Variants in ANGEL1 observed in about 807,000 individuals in gnomAD.
ANGEL1 encodes angel homolog 1.
In ANGEL1, 62 loss-of-function variants were observed where a neutral mutation model predicts 76.4. The observed-to-expected ratio is 0.81, with a 90% CI of 0.66 to 1.00. The LOEUF is 1.00. Ranked by LOEUF, ANGEL1 falls within the 50% of genes least tolerant of loss-of-function variation. The pLI is 0.00. For missense variants in ANGEL1, 737 were observed against 836.7 expected, an observed-to-expected ratio of 0.88 and a Z score of 1.47; for synonymous variants, 340 against 331.7, an observed-to-expected ratio of 1.03 and a Z score of -0.27.
At chr14:76,805,702 T>C in intron 5 of ANGEL1, among the ~76,000 whole-genome samples, 1 of 152,186 alleles carries the variant, frequency 6.6e-6, no homozygotes, top group East Asian at 1.9e-4. Context: ...CATACAGTAG[T>C]GTATCATGTT....
Position 76,799,278 on chromosome 14 carries a change from CTTTTTTTTTTTTTTTTTTTT to C in ANGEL1, c.1618+4073_1618+4092del, listed in dbSNP as rs71122579. 9.6e-5 allele frequency among the ~76,000 whole-genome samples: 5 copies of C among 52,344 alleles called. No individual in the cohort carries two copies. In the Admixed American group the frequency reaches 1.1e-3, roughly 12 times the overall value. The allele number at this position is 52,344 out of a possible 152,430, so 34.3% of individuals were successfully genotyped here. A position where few individuals can be genotyped will look rare whatever the true frequency, so the allele number is the denominator to read the frequency against. ...CTCGTTGTACTCCATTCATGGCCTC[CTTTTTTTTTTTTTTTTTTTT>C]TTTTTTTTTTTTTGAGACACAGTCT... On this transcript the variant is annotated intron_variant, in intron 7 of 9. Transcript: ENST00000251089.
At chr14:76,807,031 G>C (rs772761675) in intron 4 of ANGEL1, among the ~76,000 whole-genome samples, 182 bp from the exon 5 acceptor site, 2 of 152,188 alleles carry the variant, frequency 1.3e-5, no homozygotes, top group Non-Finnish European at 2.9e-5. Context: ...CTGACTGAGG[G>C]GCTGGAAGGG....
At chr14:76,797,057 C>T (rs1894600825) in intron 7 of ANGEL1, among the ~76,000 whole-genome samples, 1 of 152,186 alleles carries the variant, frequency 6.6e-6, no homozygotes. Flanking sequence ...CTCAAGGCTT[C>T]CACCTACTCT....
chr14:76,806,641 C>T lies in ANGEL1; in HGVS notation c.1155G>A (p.Pro385=), dbSNP rs767762469. ...PEGLGQVSVA[P]LCVANTHILY... is the part of the protein sequence containing the mutation. ...GGATATGGGTATTTGCCACACACAG[C>T]GGGGCCACCGAGACTTGTCCCAGGC... Residue 385 remains proline (P), a synonymous_variant, in exon 5 of 10, where the codon CCG becomes CCA. Transcript: ENST00000251089. 60 of 1,611,388 alleles carry T rather than the reference C, an allele frequency of 3.7e-5. No individual in the cohort carries two copies. The highest frequency in any genetic ancestry group is 6.7e-5 in the East Asian group (3 of 44,766).
At position 76,803,381 on chromosome 14, in the gene ANGEL1, A is replaced by G. The variant is rs747789809; in HGVS notation, c.1608T>C (p.Asp536=). 6.2e-7 allele frequency: 1 copy of G among 1,613,972 alleles called. No homozygotes were observed. The highest frequency in any genetic ancestry group is 1.1e-5 in the South Asian group (1 of 91,084). ...ATTAGTTCCCATTACCTGGCTTAGTATCTGTCACTCCTTCCATAAGGACCA... is the reference window on the plus strand; with the variant it reads ...ATTAGTTCCCATTACCTGGCTTAGTGTCTGTCACTCCTTCCATAAGGACCA... ...VGLVLMEGVT[D]TKPERPAGWA... Residue 536 remains aspartate (D), a synonymous_variant, in exon 7 of 10, where the codon GAT becomes GAC. Transcript: ENST00000251089.
At chr14:76,806,343 G>A in intron 5 of ANGEL1, 73 bp downstream of exon 5, 2 of 1,497,942 alleles carry the variant, frequency 1.3e-6, no homozygotes, top group Non-Finnish European at 1.8e-6. Context: ...TGCCACAGAA[G>A]AAGCACTGAT....
At position 76,788,030 on chromosome 14, in the gene ANGEL1, C is replaced by G. The variant is rs1035828763; in HGVS notation, c.*1198G>C. The G allele has an allele frequency of 2.4e-4, 37 of 152,270 alleles. No homozygotes were observed. Among genetic ancestry groups the G allele is most frequent in the African/African-American group, 8.9e-4 (37 of 41,456 alleles). The allele number at this position is 152,270 out of a possible 1,614,324, so 9.4% of individuals were successfully genotyped here. A position where few individuals can be genotyped will look rare whatever the true frequency, so the allele number is the denominator to read the frequency against. On this transcript the variant is annotated 3_prime_UTR_variant, in exon 10 of 10. Coordinates refer to ENST00000251089, the MANE Select transcript of ANGEL1 (RefSeq NM_015305.4). ...TTCAAATTCTTGGACCAGTTTTGTCCAAGGCCACCTTTCTGCTGAGGCAGT... is the reference window on the plus strand; with the variant it reads ...TTCAAATTCTTGGACCAGTTTTGTCGAAGGCCACCTTTCTGCTGAGGCAGT...
At chr14:76,812,022 C>A (rs549974909) in intron 1 of ANGEL1, among the ~76,000 whole-genome samples, 40 of 152,278 alleles carry the variant, frequency 2.6e-4, no homozygotes, top group Non-Finnish European at 5.3e-4. Flanking sequence ...CATGGGATCT[C>A]AGAAACTGAT....
At chr14:76,799,572 C>T (rs568140536) in intron 7 of ANGEL1, among the ~76,000 whole-genome samples, 5 of 152,188 alleles carry the variant, frequency 3.3e-5, no homozygotes, top group African/African-American at 1.2e-4. Flanking sequence ...GGATTACAGG[C>T]GTGAGCCACC....
chr14:76,789,359 T>G lies in ANGEL1; in HGVS notation c.1882A>C (p.Lys628Gln), dbSNP rs1389807035. 2 of 1,614,170 alleles carry G rather than the reference T, an allele frequency of 1.2e-6. No individual in the cohort carries two copies. The change falls in exon 10 of 10, where the codon AAG (lysine) becomes CAG (glutamine). Residue 628 changes from lysine (K) to glutamine (Q), a missense_variant. By Grantham distance (53) the Lys-to-Gln change is moderately conservative. Around this residue, in one of 2 missense-constraint regions of ANGEL1, gnomAD observed 296 missense variants for 387.2 expected, o/e 0.76. Transcript: ENST00000251089. Reference protein sequence around the residue: ...DHRLYRDGTLKLLGRLSLLSE... With the variant: ...DHRLYRDGTLQLLGRLSLLSE... ...AGAAGGGAGAGACGACCCAGGAGCT[T>G]GAGAGTTCCATCTCGATACAGCCTG...
At position 76,807,978 on chromosome 14, in the gene ANGEL1, T is replaced by C. The variant is rs886561966; in HGVS notation, c.820A>G (p.Asn274Asp). The change falls in exon 3 of 10, where the codon AAT (asparagine) becomes GAT (aspartate). Residue 274 changes from asparagine to aspartate, a missense_variant. Asn to Asp is a conservative substitution (Grantham distance 23). This residue lies in a region of ANGEL1 where 441 missense variants were observed against 449.5 expected (regional missense o/e 0.98). Coordinates refer to ENST00000251089, the MANE Select transcript of ANGEL1 (RefSeq NM_015305.4). The stretch of plus-strand genomic sequence containing the variant: ...AGGTTCACGAAGCGATAGTTCCAAT[T>C]GAGGATGTCTGGATGGCAATGTAGA... Reference protein sequence around the residue: ...LYLHCHPDILNWNYRFVNLMQ... With the variant: ...LYLHCHPDILDWNYRFVNLMQ... 2 of 1,614,016 alleles carry C rather than the reference T, an allele frequency of 1.2e-6. No individual in the cohort carries two copies. The highest frequency in any genetic ancestry group is 1.7e-5 in the Admixed American group (1 of 59,998).
At chr14:76,804,870 C>T (rs1894869945) in intron 5 of ANGEL1, among the ~76,000 whole-genome samples, 1 of 152,110 alleles carries the variant, frequency 6.6e-6, no homozygotes, top group Admixed American at 6.5e-5. Flanking sequence ...ATCAGCCGAG[C>T]ATGGTGGCAC....
At chr14:76,791,235 A>G in intron 8 of ANGEL1, 62 bp downstream of exon 8, 1 of 1,565,708 alleles carries the variant, frequency 6.4e-7, no homozygotes, top group Non-Finnish European at 8.8e-7. Context: ...ACCAATGGGA[A>G]TCTCTCTCTT....
Position 76,803,920 on chromosome 14 carries a change from G to A in ANGEL1, c.1381-8C>T, listed in dbSNP as rs1474881496. The A allele has an allele frequency of 6.2e-7, 1 of 1,614,006 alleles. No homozygotes were observed. Among genetic ancestry groups the A allele is most frequent in the Non-Finnish European group, 8.5e-7 (1 of 1,180,020 alleles). ...GTCTTCCTGTCCAGATACCTGGGTGGAAAAAGAAGGGTGGGAATAAGGAAA... is the reference window on the plus strand; with the variant it reads ...GTCTTCCTGTCCAGATACCTGGGTGAAAAAAGAAGGGTGGGAATAAGGAAA... On this transcript the variant is annotated splice_polypyrimidine_tract_variant and splice_region_variant and intron_variant, in intron 5 of 9. Coordinates refer to ENST00000251089, the MANE Select transcript of ANGEL1 (RefSeq NM_015305.4).
chr14:76,804,060 G>A (rs1294221463), intron 5 of ANGEL1, 148 bp from the exon 6 acceptor site: 2 of 1,526,778 alleles, frequency 1.3e-6, no homozygotes, highest in Non-Finnish European at 8.8e-7. Flanking sequence ...CTCAGGGGCA[G>A]GTTAAAAATA....
At position 76,809,258 on chromosome 14, in the gene ANGEL1, G is replaced by A; in HGVS notation, c.450C>T (p.Ile150=). Residue 150 remains isoleucine (I), a synonymous_variant, in exon 2 of 10, where the codon ATC becomes ATT. Transcript: ENST00000251089. ...CATACTGGGGCTCCGACTGCATGGG[G>A]ATAGCTGCCCACATGGAGCCCTCCA... is the stretch of plus-strand genomic sequence containing the variant. ...EGVEGSMWAA[I]PMQSEPQYAD... 2 of 1,613,154 alleles carry A rather than the reference G, an allele frequency of 1.2e-6. No individual in the cohort carries two copies. Among genetic ancestry groups the A allele is most frequent in the South Asian group, 1.1e-5 (1 of 90,940 alleles).
At chr14:76,807,566 A>G in intron 3 of ANGEL1, 64 bp from the exon 4 acceptor site, 1 of 1,545,090 alleles carries the variant, frequency 6.5e-7, no homozygotes. Flanking sequence ...ACCCTCTAGG[A>G]GCAGGTCCTG....
chr14:76,791,620 T>TA lies in ANGEL1; in HGVS notation c.1619-255dup, dbSNP rs373023265. On this transcript the variant is annotated intron_variant, in intron 7 of 9. Coordinates refer to ENST00000251089, the MANE Select transcript of ANGEL1 (RefSeq NM_015305.4). ...CACCTTTGTTTTTCTTTAATTTGAT[T>TA]AAAAAAAAATAAGTCATATAGTCAC... 7.3e-4 allele frequency among the ~76,000 whole-genome samples: 110 copies of TA among 150,978 alleles called. 1 individual carries two copies. The highest frequency in any genetic ancestry group is 2.3e-3 in the African/African-American group (96 of 41,192).
rs374438585 is a variant in ANGEL1 at position 76,790,601 on chromosome 14, T to C, written c.1852+10A>G. ...TGGGGGTGGAGGAACCCAGGATCCA[T>C]CAGGCTTACCAGTTCTGTTCCCATT... On this transcript the variant is annotated intron_variant, in intron 9 of 9. Transcript: ENST00000251089. 1.9e-6 allele frequency: 3 copies of C among 1,604,988 alleles called. No individual in the cohort carries two copies. The highest frequency in any genetic ancestry group is 8.5e-7 in the Non-Finnish European group (1 of 1,173,608).
Sources: allele counts gnomAD v4.1 joint callset (sites outside exome capture counted in the v4.1 genomes callset), GRCh38; gene constraint gnomAD v4.1.1; regional missense constraint gnomAD v4.1.1; transcripts MANE v1.5; gene names NCBI Gene and HGNC (gene_info 2026-07-23, HGNC 2026-07-21).